The following KCNB2 variants were observed in gnomAD, a reference collection of about 807,000 sequenced individuals.
The protein encoded by KCNB2 is potassium voltage-gated channel subfamily B member 2.
KCNB2 carries 15 observed loss-of-function variants against 61.5 expected under a neutral mutation model. The ratio of observed to expected loss-of-function variants is 0.24; its 90% CI spans 0.16 to 0.38. The LOEUF is 0.38. KCNB2 is among the 10% of genes least tolerant of loss of function. The pLI, the probability that KCNB2 is intolerant of heterozygous loss-of-function variation, is 1.00. For missense variants in KCNB2, 828 were observed against 1,125.2 expected (o/e 0.74, Z 3.78); for synonymous variants, 457 against 446.0 (o/e 1.02, Z -0.31).
At chr8:72,738,805 C>T (rs987738965) in intron 2 of KCNB2, among the ~76,000 whole-genome samples, 1 of 152,174 alleles carries the variant, frequency 6.6e-6, no homozygotes, top group South Asian at 2.1e-4. Flanking sequence ...GATAATAATA[C>T]ACTGAACCAA....
In KCNB2 at chr8:72,682,619, G is replaced by A. The variant is rs186681220; in HGVS notation, c.579+114306G>A. ...AAAAAAAAAAAAAAAAAAAGGAGAG[G>A]ATTTCACTCTGTTTCCCAGGATGGA... On this transcript the variant is annotated intron_variant, in intron 2 of 2. Coordinates refer to ENST00000523207, the MANE Select transcript of KCNB2 (RefSeq NM_004770.3). Among the ~76,000 whole-genome samples the A allele has an allele frequency of 1.7e-3, 263 of 151,458 alleles. 2 individuals carry two copies. The highest frequency in any genetic ancestry group is 5.9e-3 in the African/African-American group (245 of 41,288).
At chr8:72,765,821 G>T (rs536065012) in intron 2 of KCNB2, among the ~76,000 whole-genome samples, 2 of 152,292 alleles carry the variant, frequency 1.3e-5, no homozygotes, top group African/African-American at 4.8e-5. Flanking sequence ...ACTGGATCTG[G>T]GATGGGGCCC....
chr8:72,812,526 A>G (rs1809324082), intron 2 of KCNB2, among the ~76,000 whole-genome samples: 1 of 152,140 alleles, frequency 6.6e-6, no homozygotes, highest in Non-Finnish European at 1.5e-5. Context: ...ATAGATAAAA[A>G]TATAGATATA....
intron 2 of KCNB2, among the ~76,000 whole-genome samples, chr8:72,806,388 G>A (rs1008200462): frequency 1.4e-5 from 2 of 147,364 alleles, no homozygotes; most frequent in Non-Finnish European, 3.0e-5. Flanking sequence ...AATTTGGCCA[G>A]GATCAGGAGA....
chr8:72,569,660 G>A (rs1162127776), intron 2 of KCNB2, among the ~76,000 whole-genome samples: 1 of 152,068 alleles, frequency 6.6e-6, no homozygotes, highest in Non-Finnish European at 1.5e-5. Context: ...GCATTTGTGG[G>A]TTTTGATTGA....
At chr8:72,821,475 G>A (rs934651784) in intron 2 of KCNB2, among the ~76,000 whole-genome samples, 14 of 151,948 alleles carry the variant, frequency 9.2e-5, no homozygotes, top group South Asian at 8.3e-4. Context: ...CTAAACCTCC[G>A]TTTCCACTAT....
intron 2 of KCNB2, among the ~76,000 whole-genome samples, chr8:72,614,400 T>G (rs578044612): frequency 1.2e-4 from 18 of 152,188 alleles, no homozygotes; most frequent in Non-Finnish European, 2.9e-5. Flanking sequence ...AAATCCTAGC[T>G]CTACTCTAAT....
intron 2 of KCNB2, among the ~76,000 whole-genome samples, chr8:72,787,273 T>C (rs916773910): frequency 1.3e-5 from 2 of 152,054 alleles, no homozygotes; most frequent in African/African-American, 4.8e-5. Context: ...GGAACACACC[T>C]GTACTAGATA....
chr8:72,786,286 T>C (rs1808844901), intron 2 of KCNB2, among the ~76,000 whole-genome samples: 1 of 152,166 alleles, frequency 6.6e-6, no homozygotes, highest in Non-Finnish European at 1.5e-5. Context: ...CTTTAGGCAT[T>C]TTATGACAAA....
intron 2 of KCNB2, among the ~76,000 whole-genome samples, chr8:72,827,500 C>T (rs1318627947): frequency 6.6e-6 from 1 of 152,086 alleles, no homozygotes; most frequent in East Asian, 1.9e-4. Context: ...TACATCGGGA[C>T]CCAAGAGTTG....
chr8:72,904,154 T>C (rs1038723790), intron 2 of KCNB2, among the ~76,000 whole-genome samples: 1 of 152,200 alleles, frequency 6.6e-6, no homozygotes, highest in African/African-American at 2.4e-5. Context: ...CTCTTGTATA[T>C]AGAAGTTGGC....
At chr8:72,684,428 A>G (rs1314899946) in intron 2 of KCNB2, among the ~76,000 whole-genome samples, 2 of 152,140 alleles carry the variant, frequency 1.3e-5, no homozygotes, top group Non-Finnish European at 2.9e-5. Context: ...CCCTTGAACC[A>G]GGGGCAGAGT....
intron 2 of KCNB2, among the ~76,000 whole-genome samples, chr8:72,629,226 AAG>A (rs1271595042): frequency 1.3e-5 from 2 of 152,204 alleles, no homozygotes; most frequent in East Asian, 3.8e-4. Context: ...TAACAATGGG[AAG>A]AGTCCTAGTA....
chr8:72,815,605 C>T (rs1007040593), intron 2 of KCNB2, among the ~76,000 whole-genome samples: 5 of 152,084 alleles, frequency 3.3e-5, no homozygotes, highest in Admixed American at 6.6e-5. Flanking sequence ...AAACAGGGAC[C>T]GAGACTAGGT....
intron 2 of KCNB2, among the ~76,000 whole-genome samples, chr8:72,923,370 C>T (rs144183207): frequency 6.6e-6 from 1 of 152,138 alleles, no homozygotes; most frequent in African/African-American, 2.4e-5. Flanking sequence ...TCAAAATATG[C>T]CAAAGATATA....
chr8:72,616,024 A>T (rs775020755), intron 2 of KCNB2, among the ~76,000 whole-genome samples: 3 of 152,236 alleles, frequency 2.0e-5, no homozygotes, highest in Non-Finnish European at 4.4e-5. Context: ...TCTCCAGTTC[A>T]TGAAACCCAA....
At chr8:72,783,164 G>T (rs1313848829) in intron 2 of KCNB2, among the ~76,000 whole-genome samples, 3 of 152,102 alleles carry the variant, frequency 2.0e-5, no homozygotes, top group Non-Finnish European at 4.4e-5. Flanking sequence ...CAAGAAAATA[G>T]TCAACCCACC....
At chr8:72,599,930 T>TA (rs1480665704) in intron 2 of KCNB2, among the ~76,000 whole-genome samples, 2 of 151,902 alleles carry the variant, frequency 1.3e-5, no homozygotes, top group Non-Finnish European at 2.9e-5. Context: ...TGGCGATCAT[T>TA]AAAAAAGAAA....
intron 2 of KCNB2, among the ~76,000 whole-genome samples, chr8:72,720,771 A>G (rs1219451046): frequency 2.6e-5 from 4 of 152,198 alleles, no homozygotes; most frequent in African/African-American, 7.2e-5. Flanking sequence ...ACAGACATTT[A>G]TTGAGCAACT....
Sources: gnomAD v4.1 joint callset for allele counts (sites outside exome capture counted in the v4.1 genomes callset) on GRCh38, gnomAD v4.1.1 for gene constraint, MANE v1.5 for transcripts, NCBI Gene and HGNC (gene_info 2026-07-23, HGNC 2026-07-21) for gene names.